The following ZNF544 variants were observed in gnomAD, a reference collection of about 807,000 sequenced individuals.
The protein encoded by ZNF544 is zinc finger protein 544.
ZNF544 carries 10 observed loss-of-function variants against 13.5 expected under a neutral mutation model. The observed-to-expected ratio is 0.74, with a 90% CI of 0.46 to 1.25. The LOEUF is 1.25. ZNF544 is among the 50% of genes most tolerant of loss of function. The pLI, the probability that ZNF544 is intolerant of heterozygous loss-of-function variation, is 0.00. For synonymous variants in ZNF544, 323 were observed against 300.5 expected (o/e 1.07, Z -0.77); for missense variants, 896 against 845.6 (o/e 1.06, Z -0.74).
chr19:58,242,343 G>A (rs766175061), intron 3 of ZNF544: 6 of 922,192 alleles, frequency 6.5e-6, no homozygotes, highest in Non-Finnish European at 7.8e-6. Flanking sequence ...CACAGAGAAA[G>A]CAAGATTTCT....
chr19:58,276,243 C>A, intron 5 of ZNF544: 1 of 636,916 alleles, frequency 1.6e-6, no homozygotes, highest in Non-Finnish European at 2.2e-6. Flanking sequence ...TCTTTGCACA[C>A]CTGCCCCTAC....
chr19:58,261,558 A>G lies in ZNF544; in HGVS notation c.952A>G (p.Arg318Gly). 2 of 1,614,204 alleles carry G rather than the reference A, an allele frequency of 1.2e-6. No homozygotes were observed. Among genetic ancestry groups the G allele is most frequent in the Middle Eastern group, 1.6e-4 (1 of 6,062 alleles). ...SESLCLVQTE[R>G]SGPGETPFRC... is the part of the protein sequence containing the mutation. ...GAGTCTGTGCCTTGTACAAACAGAA[A>G]GAAGTGGCCCTGGAGAGACCCCCTT... Residue 318 changes from arginine (R) to glycine (G), a missense_variant, in exon 7 of 7, where the codon AGA becomes GGA. Arg to Gly is a moderately radical substitution (Grantham distance 125). Coordinates refer to ENST00000687789, the MANE Select transcript of ZNF544 (RefSeq NM_014480.4).
At chr19:58,255,088 C>A (rs1431610420) in intron 6 of ZNF544, among the ~76,000 whole-genome samples, 2 of 151,578 alleles carry the variant, frequency 1.3e-5, no homozygotes, top group Non-Finnish European at 2.9e-5. Flanking sequence ...TGGGGTTTCA[C>A]CATGTTAGCC....
At chr19:58,275,512 A>T (rs2051143157) in intron 5 of ZNF544, among the ~76,000 whole-genome samples, 1 of 144,820 alleles carries the variant, frequency 6.9e-6, no homozygotes, top group Admixed American at 7.1e-5. Context: ...ATAAACAAGA[A>T]CTAGAAAAGA....
intron 3 of ZNF544, among the ~76,000 whole-genome samples, chr19:58,241,184 T>TAATATATATATATATA (rs1600250118): frequency 7.9e-6 from 1 of 126,870 alleles, no homozygotes; most frequent in African/African-American, 3.2e-5. Flanking sequence ...TATATATTTT[T>TAATATATATATATATA]TTTTTTTTGT....
chr19:58,272,979 C>A (rs12984197), intron 5 of ZNF544, among the ~76,000 whole-genome samples: 16 of 151,416 alleles, frequency 1.1e-4, no homozygotes, highest in Admixed American at 5.3e-4. Flanking sequence ...TTCAGGAAAT[C>A]GAGACCATCC....
At chr19:58,274,800 A>T (rs895242283) in intron 5 of ZNF544, among the ~76,000 whole-genome samples, 2 of 152,162 alleles carry the variant, frequency 1.3e-5, no homozygotes, top group African/African-American at 4.8e-5. Context: ...TTCCCATTGC[A>T]TCTGTTACAA....
At chr19:58,237,138 C>T (rs1179388951) in intron 3 of ZNF544, among the ~76,000 whole-genome samples, 2 of 149,512 alleles carry the variant, frequency 1.3e-5, no homozygotes, top group Non-Finnish European at 1.5e-5. Flanking sequence ...GATCTTGGCT[C>T]ACTGCAGCGT....
At chr19:58,269,397 T>C (rs959457172) in intron 5 of ZNF544, among the ~76,000 whole-genome samples, 8 of 150,896 alleles carry the variant, frequency 5.3e-5, no homozygotes, top group African/African-American at 2.0e-4. Flanking sequence ...ATTGTGCCAC[T>C]GCACTCCAGC....
At position 58,246,340 on chromosome 19, in the gene ZNF544, C is replaced by G; in HGVS notation, c.73C>G (p.Gln25Glu). 1.2e-6 allele frequency: 2 copies of G among 1,614,102 alleles called. No homozygotes were observed. Among genetic ancestry groups the G allele is most frequent in the Non-Finnish European group, 1.7e-6 (2 of 1,180,010 alleles). ...CFEDVAMAFT[Q>E]EEWEQLDLAQ... ...CGAGGATGTGGCTATGGCATTCACACAGGAGGAGTGGGAACAGCTGGACCT... is the reference window on the plus strand; with the variant it reads ...CGAGGATGTGGCTATGGCATTCACAGAGGAGGAGTGGGAACAGCTGGACCT... The change falls in exon 5 of 7, where the codon CAG (glutamine) becomes GAG (glutamate). Residue 25 changes from glutamine to glutamate, a missense_variant. Gln to Glu is a conservative substitution (Grantham distance 29). Transcript: ENST00000687789.
chr19:58,265,970 C>T (rs535620104), downstream of ZNF544, among the ~76,000 whole-genome samples: 2 of 151,746 alleles, frequency 1.3e-5, no homozygotes, highest in African/African-American at 2.4e-5. Flanking sequence ...TTTGGAAGGC[C>T]GAGGCAGGCA....
At chr19:58,257,013 C>A (rs2047599699) in intron 6 of ZNF544, among the ~76,000 whole-genome samples, 1 of 151,740 alleles carries the variant, frequency 6.6e-6, no homozygotes, top group Non-Finnish European at 1.5e-5. Context: ...GCTCCGCCTC[C>A]CAGGTTCACG....
intron 3 of ZNF544, among the ~76,000 whole-genome samples, chr19:58,242,972 C>A (rs879519526): frequency 1.3e-5 from 2 of 151,964 alleles, no homozygotes; most frequent in Admixed American, 1.3e-4. Flanking sequence ...TGGGATTACA[C>A]GCGTGAGCCA....
chr19:58,271,333 G>A (rs765368408), intron 5 of ZNF544, among the ~76,000 whole-genome samples: 29 of 152,044 alleles, frequency 1.9e-4, no homozygotes, highest in Non-Finnish European at 2.5e-4. Flanking sequence ...TGGATATGGT[G>A]GTGCACACCT....
At chr19:58,252,415 A>T (rs1469948407) in intron 6 of ZNF544, among the ~76,000 whole-genome samples, 1 of 152,186 alleles carries the variant, frequency 6.6e-6, no homozygotes, top group East Asian at 1.9e-4. Context: ...ACCATACAGG[A>T]TCCTGTCTCA....
chr19:58,258,518 G>A (rs1469744226), intron 6 of ZNF544: 1 of 104,264 alleles, frequency 9.6e-6, no homozygotes, highest in African/African-American at 4.6e-5. Flanking sequence ...TGCTGGGTGT[G>A]AGGGCACCAG....
chr19:58,241,180 T>TATATATATATATATATATA (rs1491408473), intron 3 of ZNF544, among the ~76,000 whole-genome samples: 2 of 67,386 alleles, frequency 3.0e-5, no homozygotes, highest in Non-Finnish European at 5.3e-5. Context: ...TATATATATA[T>TATATATATATATATATATA]TTTTTTTTTT....
At chr19:58,254,246 A>G (rs926958198) in intron 6 of ZNF544, among the ~76,000 whole-genome samples, 1 of 152,026 alleles carries the variant, frequency 6.6e-6, no homozygotes, top group African/African-American at 2.4e-5. Context: ...GAACAGCAGC[A>G]CAAATGCCTG....
intron 6 of ZNF544, among the ~76,000 whole-genome samples, chr19:58,254,111 C>T (rs572145893): frequency 2.5e-4 from 38 of 152,114 alleles, no homozygotes; most frequent in African/African-American, 8.9e-4. Flanking sequence ...GTAGTCCCAG[C>T]TACTTGAGAG....
Sources: gnomAD v4.1 joint callset for allele counts (sites outside exome capture counted in the v4.1 genomes callset) on GRCh38, gnomAD v4.1.1 for gene constraint, MANE v1.5 for transcripts, NCBI Gene and HGNC (gene_info 2026-07-23, HGNC 2026-07-21) for gene names.